LRFN5: variants seen among roughly 807,000 people sequenced by gnomAD.
LRFN5 encodes the protein leucine-rich repeat and fibronectin type-III domain-containing protein 5.
A neutral mutation model predicts 45.6 loss-of-function variants in LRFN5; 24 were observed. The observed-to-expected ratio is 0.53, with a 90% CI of 0.38 to 0.74. LRFN5 has a LOEUF of 0.74. Ranked by LOEUF, LRFN5 falls within the 30% of genes least tolerant of loss-of-function variation. The pLI is 0.00. For missense variants in LRFN5, 776 were observed against 861.5 expected (o/e 0.90, Z 1.24); for synonymous variants, 340 against 313.8 (o/e 1.08, Z -0.88).
intron 1 of LRFN5, among the ~76,000 whole-genome samples, chr14:41,689,758 G>A (rs996573347): frequency 8.5e-4 from 128 of 150,900 alleles, no homozygotes; most frequent in Non-Finnish European, 1.6e-3. Flanking sequence ...AGCCGGGCGT[G>A]ATGGCGGGCG....
At chr14:41,896,485 G>A (rs1191782085) in intron 4 of LRFN5, among the ~76,000 whole-genome samples, 1 of 151,964 alleles carries the variant, frequency 6.6e-6, no homozygotes, top group African/African-American at 2.4e-5. Context: ...TATGTGAAAA[G>A]GATATTTTTC....
At position 41,866,945 on chromosome 14, in the gene LRFN5, T is replaced by TA. The variant is rs373117642; in HGVS notation, c.-20-19660dup. Among the ~76,000 whole-genome samples the TA allele has an allele frequency of 3.6e-3, 546 of 152,292 alleles. 3 individuals carry two copies. The highest frequency in any genetic ancestry group is 0.013 in the African/African-American group (530 of 41,578). ...TACATAATATTGGATCATATTATTA[T>TA]ATGGACCACATGCTCTTATTTATGT... On this transcript the variant is annotated intron_variant, in intron 2 of 5. Transcript: ENST00000298119.
At chr14:41,734,320 A>G (rs1195692344) in intron 1 of LRFN5, among the ~76,000 whole-genome samples, 1 of 66,326 alleles carries the variant, frequency 1.5e-5, no homozygotes. Context: ...CTGGTTTTAT[A>G]TATATATATA....
chr14:41,866,293 T>A (rs55778772), intron 2 of LRFN5, among the ~76,000 whole-genome samples: 1,972 of 152,218 alleles, frequency 0.013, 21 homozygotes, highest in South Asian at 0.031. Flanking sequence ...GTTAACAGGG[T>A]TTCTTACACT....
intron 2 of LRFN5, among the ~76,000 whole-genome samples, chr14:41,797,017 C>CT (rs1470266572): frequency 6.6e-6 from 1 of 151,696 alleles, no homozygotes; most frequent in African/African-American, 2.4e-5. Context: ...ATCTCGTGTA[C>CT]TTTCTGCTCA....
chr14:41,861,068 T>C (rs144255032), intron 2 of LRFN5, among the ~76,000 whole-genome samples: 1 of 152,340 alleles, frequency 6.6e-6, no homozygotes, highest in Non-Finnish European at 1.5e-5. Flanking sequence ...CTTCAGAATG[T>C]CATTAATGTT....
At chr14:41,718,905 A>G (rs1047575999) in intron 1 of LRFN5, among the ~76,000 whole-genome samples, 9 of 152,174 alleles carry the variant, frequency 5.9e-5, no homozygotes, top group African/African-American at 2.2e-4. Flanking sequence ...GGCATTTGCC[A>G]CCTCTCTTGC....
Position 41,640,486 on chromosome 14 carries a change from C to G in LRFN5, c.-197+31924C>G, listed in dbSNP as rs371502669. On this transcript the variant is annotated intron_variant, in intron 1 of 5. Coordinates refer to ENST00000298119, the MANE Select transcript of LRFN5 (RefSeq NM_152447.5). ...CATTCTCAAATGGTTTCTATCATGACCTTTTTATATCAGATTGTACTTGTG... is the reference window on the plus strand; with the variant it reads ...CATTCTCAAATGGTTTCTATCATGAGCTTTTTATATCAGATTGTACTTGTG... Among the ~76,000 whole-genome samples, 144 of 152,140 alleles carry G rather than the reference C, an allele frequency of 9.5e-4. 3 individuals carry two copies. In the South Asian group the frequency reaches 0.029, roughly 30 times the overall value.
At chr14:41,803,726 G>A (rs1887420514) in intron 2 of LRFN5, among the ~76,000 whole-genome samples, 1 of 152,108 alleles carries the variant, frequency 6.6e-6, no homozygotes, top group African/African-American at 2.4e-5. Flanking sequence ...AACATAGTGA[G>A]TTCTCAAAAT....
chr14:41,647,573 G>C (rs1232859686), intron 1 of LRFN5, among the ~76,000 whole-genome samples: 1 of 152,120 alleles, frequency 6.6e-6, no homozygotes, highest in Non-Finnish European at 1.5e-5. Context: ...GGAGGAAGGG[G>C]TTAGGTTAGT....
chr14:41,790,905 G>C (rs558731237), intron 2 of LRFN5, among the ~76,000 whole-genome samples: 2 of 151,770 alleles, frequency 1.3e-5, no homozygotes, highest in Admixed American at 6.6e-5. Context: ...TATACATTCA[G>C]CTGTTAATTA....
At chr14:41,782,140 T>A (rs1234239899) in intron 2 of LRFN5, among the ~76,000 whole-genome samples, 1 of 151,982 alleles carries the variant, frequency 6.6e-6, no homozygotes, top group Non-Finnish European at 1.5e-5. Context: ...GTCTTTTCCT[T>A]CTGCTGTTCC....
chr14:41,778,652 G>C (rs958689033), intron 2 of LRFN5, among the ~76,000 whole-genome samples: 1 of 151,848 alleles, frequency 6.6e-6, no homozygotes, highest in Admixed American at 6.6e-5. Flanking sequence ...GAACTATGGA[G>C]CTACCACTCA....
At chr14:41,875,445 T>C (rs1890155134) in intron 2 of LRFN5, among the ~76,000 whole-genome samples, 1 of 152,242 alleles carries the variant, frequency 6.6e-6, no homozygotes. Flanking sequence ...CCTAGTAGTA[T>C]TTACTGGTAG....
At chr14:41,885,121 A>G (rs531113559) in intron 2 of LRFN5, among the ~76,000 whole-genome samples, 7 of 148,712 alleles carry the variant, frequency 4.7e-5, no homozygotes, top group African/African-American at 1.7e-4. Flanking sequence ...AGTCAAGAGG[A>G]TTGCTGAGTC....
chr14:41,715,532 A>T (rs1430660315), intron 1 of LRFN5, among the ~76,000 whole-genome samples: 3 of 152,170 alleles, frequency 2.0e-5, no homozygotes, highest in Non-Finnish European at 4.4e-5. Context: ...TTCAGAAGCA[A>T]AGGAGTTTGC....
chr14:41,872,262 T>C (rs1025926431), intron 2 of LRFN5, among the ~76,000 whole-genome samples: 4 of 152,202 alleles, frequency 2.6e-5, no homozygotes, highest in African/African-American at 4.8e-5. Flanking sequence ...GATTTACTAT[T>C]GAAAGAACCC....
At chr14:41,900,171 C>T (rs1430483383) in intron 5 of LRFN5, among the ~76,000 whole-genome samples, 1 of 151,906 alleles carries the variant, frequency 6.6e-6, no homozygotes, top group Non-Finnish European at 1.5e-5. Context: ...GATAGGATAC[C>T]TTTATATAAT....
intron 2 of LRFN5, among the ~76,000 whole-genome samples, chr14:41,821,797 TG>T (rs1021974807): frequency 1.2e-4 from 15 of 129,170 alleles, no homozygotes; most frequent in African/African-American, 3.7e-4. Context: ...TTAATTGGGG[TG>T]GGGGGAGATT....
Sources: gnomAD v4.1 joint callset for allele counts (sites outside exome capture counted in the v4.1 genomes callset) on GRCh38, gnomAD v4.1.1 for gene constraint, MANE v1.5 for transcripts, NCBI Gene and HGNC (gene_info 2026-07-23, HGNC 2026-07-21) for gene names.